TCERG1L: variants seen among roughly 807,000 people sequenced by gnomAD.
The protein encoded by TCERG1L is transcription elongation regulator 1-like protein.
TCERG1L carries 37 observed loss-of-function variants against 56.3 expected under a neutral mutation model. The observed-to-expected ratio is 0.66, with a 90% CI of 0.51 to 0.87. The LOEUF is 0.87. Ranked by LOEUF, TCERG1L falls within the 40% of genes least tolerant of loss-of-function variation. The probability of loss-of-function intolerance (pLI) is 0.00; values close to 1 mark genes in which losing one functional copy is unlikely to be tolerated. For synonymous variants in TCERG1L, 324 were observed against 326.3 expected (o/e 0.99, Z 0.08); for missense variants, 799 against 774.2 (o/e 1.03, Z -0.38).
chr10:131,250,959 G>C (rs115423055), intron 4 of TCERG1L, among the ~76,000 whole-genome samples: 1 of 152,012 alleles, frequency 6.6e-6, no homozygotes, highest in African/African-American at 2.4e-5. Flanking sequence ...TTTCACCACC[G>C]ACACTGGGCT....
At chr10:131,237,259 C>G (rs1398954274) in intron 4 of TCERG1L, among the ~76,000 whole-genome samples, 1 of 152,134 alleles carries the variant, frequency 6.6e-6, no homozygotes, top group Non-Finnish European at 1.5e-5. Flanking sequence ...CATGGAGACC[C>G]TGAGTGCCAG....
At chr10:131,226,937 G>A (rs1845795916) in intron 4 of TCERG1L, among the ~76,000 whole-genome samples, 3 of 152,252 alleles carry the variant, frequency 2.0e-5, no homozygotes, top group African/African-American at 2.4e-5. Context: ...CCCACCTCCT[G>A]GAGTCGCTGT....
intron 4 of TCERG1L, among the ~76,000 whole-genome samples, chr10:131,246,238 G>A (rs895750758): frequency 6.6e-6 from 1 of 152,210 alleles, no homozygotes; most frequent in Admixed American, 6.5e-5. Flanking sequence ...AGGCTTTCTG[G>A]GGGTGGCACG....
chr10:131,106,379 G>A (rs985943111), intron 9 of TCERG1L, among the ~76,000 whole-genome samples: 10 of 152,156 alleles, frequency 6.6e-5, no homozygotes, highest in Admixed American at 2.0e-4. Context: ...CTAGGGAGGC[G>A]GCTTCCAGAG....
chr10:131,122,436 T>A (rs1845522963), intron 8 of TCERG1L, among the ~76,000 whole-genome samples: 1 of 152,218 alleles, frequency 6.6e-6, no homozygotes, highest in Non-Finnish European at 1.5e-5. Context: ...TTCCTGCCAA[T>A]GATCAATAAA....
rs540874496 is a variant in TCERG1L, at chr10:131,156,636, C to T, written c.1034+6486G>A. ...CACCCTGGACCTGGCAGTTGAAGATCGACCCCTGACCTAATCGGTTATGTT... is the reference window on the plus strand; with the variant it reads ...CACCCTGGACCTGGCAGTTGAAGATTGACCCCTGACCTAATCGGTTATGTT... On this transcript the variant is annotated intron_variant, in intron 6 of 11. Transcript: ENST00000368642. Among the ~76,000 whole-genome samples the T allele has an allele frequency of 2.7e-4, 41 of 152,266 alleles. No individual in the cohort carries two copies. The South Asian group carries it at 4.4e-3, about 16-fold the overall frequency.
intron 6 of TCERG1L, among the ~76,000 whole-genome samples, chr10:131,158,014 A>G (rs1845941150): frequency 1.3e-5 from 2 of 152,206 alleles, no homozygotes; most frequent in Middle Eastern, 3.2e-3. Context: ...TGAATTTTGC[A>G]TTTCTCAAGT....
chr10:131,106,236 A>G (rs781392570), intron 9 of TCERG1L, among the ~76,000 whole-genome samples: 23 of 152,222 alleles, frequency 1.5e-4, no homozygotes, highest in Non-Finnish European at 3.4e-4. Flanking sequence ...GAGGATCTTG[A>G]GAAAATAAAT....
rs1846904232 is a variant in TCERG1L, at chr10:131,311,697, G to A, written c.-62C>T. ...CGGGCGCCCGAGATGCTGGGCCGGC[G>A]GCGGCGCGGCTCCGGAGCGAACTCA... On this transcript the variant is annotated 5_prime_UTR_variant, in exon 1 of 12. Coordinates refer to ENST00000368642, the MANE Select transcript of TCERG1L (RefSeq NM_174937.4). The surrounding 1 kb of genome is among the most constrained non-coding windows in gnomAD (Gnocchi z 4.0). 4 of 891,418 alleles carry A rather than the reference G, an allele frequency of 4.5e-6. No individual in the cohort carries two copies. Among genetic ancestry groups the A allele is most frequent in the African/African-American group, 1.8e-5 (1 of 55,504 alleles). 55.2% of individuals were successfully genotyped at this position (891,418 alleles called of 1,614,324 possible). A position where few individuals can be genotyped will look rare whatever the true frequency, so the allele number is the denominator to read the frequency against.
At chr10:131,164,803 G>C (rs993431098) in intron 5 of TCERG1L, among the ~76,000 whole-genome samples, 2 of 152,186 alleles carry the variant, frequency 1.3e-5, no homozygotes, top group Admixed American at 1.3e-4. Context: ...AGGCAGTGGA[G>C]GTGGGAAGAT....
chr10:131,096,066 C>T (rs1336307463), intron 11 of TCERG1L, among the ~76,000 whole-genome samples: 2 of 152,234 alleles, frequency 1.3e-5, no homozygotes, highest in Admixed American at 6.5e-5. Flanking sequence ...TCCTGCCTGC[C>T]AGGCACCGTC....
intron 4 of TCERG1L, among the ~76,000 whole-genome samples, chr10:131,181,597 A>G: frequency 6.6e-6 from 1 of 152,260 alleles, no homozygotes; most frequent in East Asian, 1.9e-4. Flanking sequence ...TTGTTTGGAC[A>G]AGAGCCTGCT....
intron 3 of TCERG1L, among the ~76,000 whole-genome samples, chr10:131,270,527 G>T (rs1028778302): frequency 5.3e-5 from 8 of 152,224 alleles, no homozygotes; most frequent in African/African-American, 1.9e-4. Context: ...AAGCAAAACA[G>T]TAATTAACCA....
At chr10:131,192,438 TG>T (rs1845315176) in intron 4 of TCERG1L, among the ~76,000 whole-genome samples, 1 of 144,328 alleles carries the variant, frequency 6.9e-6, no homozygotes, top group Non-Finnish European at 1.5e-5. Flanking sequence ...ACAACCCTGA[TG>T]GAAACAGTAT....
chr10:131,208,175 G>A (rs919731113), intron 4 of TCERG1L, among the ~76,000 whole-genome samples: 2 of 152,200 alleles, frequency 1.3e-5, no homozygotes, highest in Non-Finnish European at 2.9e-5. Context: ...GTGATCTCTT[G>A]ATGCCTGAGC....
intron 4 of TCERG1L, among the ~76,000 whole-genome samples, chr10:131,211,872 T>C (rs2133488986): frequency 6.6e-6 from 1 of 152,278 alleles, no homozygotes; most frequent in African/African-American, 2.4e-5. Context: ...GAAATATAAA[T>C]AGAAAAGTAA....
chr10:131,163,344 C>T, intron 5 of TCERG1L, 134 bp from the exon 6 acceptor site: 1 of 665,130 alleles, frequency 1.5e-6, no homozygotes, highest in South Asian at 2.2e-5. Context: ...ATGACCTCAG[C>T]ACGGCAGCGC....
intron 3 of TCERG1L, among the ~76,000 whole-genome samples, chr10:131,261,169 G>A (rs950301418): frequency 1.3e-5 from 2 of 152,202 alleles, no homozygotes; most frequent in African/African-American, 2.4e-5. Context: ...ATCAATGGAC[G>A]CATCTGAAAG....
chr10:131,174,586 T>C (rs1469511555), intron 4 of TCERG1L, among the ~76,000 whole-genome samples: 1 of 152,176 alleles, frequency 6.6e-6, no homozygotes, highest in African/African-American at 2.4e-5. Flanking sequence ...CAGCACCTCG[T>C]TGAACTCCAC....
Sources: allele counts gnomAD v4.1 joint callset (sites outside exome capture counted in the v4.1 genomes callset), GRCh38; gene constraint gnomAD v4.1.1; non-coding constraint Gnocchi (gnomAD v3.1); transcripts MANE v1.5; gene names NCBI Gene and HGNC (gene_info 2026-07-23, HGNC 2026-07-21).